The following MACROD2 variants were observed in gnomAD, a reference collection of about 807,000 sequenced individuals.
MACROD2 encodes the protein ADP-ribose glycohydrolase MACROD2.
A neutral mutation model predicts 70.4 loss-of-function variants in MACROD2; 36 were observed. The ratio of observed to expected loss-of-function variants is 0.51; its 90% confidence interval spans 0.39 to 0.68. MACROD2 has a LOEUF of 0.68. Ranked by LOEUF, MACROD2 falls within the 30% of genes least tolerant of loss-of-function variation. The probability of loss-of-function intolerance (pLI) is 0.00; values close to 1 mark genes in which losing one functional copy is unlikely to be tolerated. For synonymous variants in MACROD2, 172 were observed against 178.8 expected, an observed-to-expected ratio of 0.96 and a Z score of 0.30; for missense variants, 496 against 538.4, an observed-to-expected ratio of 0.92 and a Z score of 0.78.
chr20:14,051,904 C>G (rs747376636), intron 2 of MACROD2: 14 of 517,112 alleles, frequency 2.7e-5, no homozygotes, highest in Non-Finnish European at 4.6e-5. Context: ...AACTTCTGAA[C>G]CCTCCACCAT....
intron 3 of MACROD2, among the ~76,000 whole-genome samples, chr20:14,088,948 T>C (rs1215679042): frequency 6.6e-6 from 1 of 152,186 alleles, no homozygotes; most frequent in Non-Finnish European, 1.5e-5. Flanking sequence ...ATTATTGAAA[T>C]AAATGGTGCA....
chr20:14,929,094 CAT>C (rs1439395648), intron 5 of MACROD2, among the ~76,000 whole-genome samples: 2 of 152,136 alleles, frequency 1.3e-5, no homozygotes, highest in Non-Finnish European at 2.9e-5. Flanking sequence ...TCTCTACTCT[CAT>C]AACGCTTCTG....
At chr20:15,627,228 CAAA>C (rs33936061) in intron 8 of MACROD2, among the ~76,000 whole-genome samples, 15 of 93,960 alleles carry the variant, frequency 1.6e-4, no homozygotes, top group Admixed American at 2.3e-4. Flanking sequence ...AAAAGATTAC[CAAA>C]AAAAAAAAAA....
intron 3 of MACROD2, among the ~76,000 whole-genome samples, chr20:14,332,630 C>A (rs750411037): frequency 6.6e-6 from 1 of 152,190 alleles, no homozygotes; most frequent in East Asian, 1.9e-4. Flanking sequence ...AATGATTTCT[C>A]TCACAGAATG....
intron 3 of MACROD2, among the ~76,000 whole-genome samples, chr20:14,215,263 C>CAT (rs948330778): frequency 6.7e-6 from 1 of 148,418 alleles, no homozygotes; most frequent in Non-Finnish European, 1.5e-5. Context: ...TATATTCCAT[C>CAT]ATATATATAT....
intron 5 of MACROD2, among the ~76,000 whole-genome samples, chr20:14,805,781 G>T (rs186467776): frequency 6.6e-6 from 1 of 151,972 alleles, no homozygotes; most frequent in East Asian, 1.9e-4. Flanking sequence ...TCCTCTCCTG[G>T]CTTTTAAGAG....
chr20:15,993,522 A>G (rs6110859), intron 15 of MACROD2, among the ~76,000 whole-genome samples: 45,540 of 151,976 alleles, frequency 0.3, 7,382 homozygotes, highest in South Asian at 0.38. Context: ...AGGCTATACC[A>G]TCGAGGTTTG....
chr20:14,387,245 A>G (rs2083477767), intron 3 of MACROD2, among the ~76,000 whole-genome samples: 1 of 152,312 alleles, frequency 6.6e-6, no homozygotes, highest in South Asian at 2.1e-4. Flanking sequence ...TTTTTTGTTG[A>G]GAACTGGACA....
At chr20:14,190,958 C>T (rs1209419983) in intron 3 of MACROD2, among the ~76,000 whole-genome samples, 5 of 151,674 alleles carry the variant, frequency 3.3e-5, no homozygotes, top group South Asian at 4.2e-4. Context: ...CCGCCCGCCT[C>T]GGCCTCCCAA....
chr20:15,189,374 G>T (rs913670747), intron 5 of MACROD2, among the ~76,000 whole-genome samples: 2 of 151,848 alleles, frequency 1.3e-5, no homozygotes, highest in East Asian at 1.9e-4. Context: ...GTATGTACAC[G>T]CACATACACA....
intron 7 of MACROD2, among the ~76,000 whole-genome samples, chr20:15,460,331 G>A (rs1361264351): frequency 1.3e-5 from 2 of 152,156 alleles, no homozygotes; most frequent in Non-Finnish European, 2.9e-5. Flanking sequence ...GGCAGTGGCA[G>A]TTGGTTCCAG....
At chr20:14,149,653 G>GT (rs2054990919) in intron 3 of MACROD2, among the ~76,000 whole-genome samples, 1 of 152,092 alleles carries the variant, frequency 6.6e-6, no homozygotes, top group Non-Finnish European at 1.5e-5. Context: ...AATGTGTGTT[G>GT]TTTTTGTCTT....
chr20:15,240,602 C>T (rs897018247), intron 6 of MACROD2, among the ~76,000 whole-genome samples: 1 of 152,108 alleles, frequency 6.6e-6, no homozygotes, highest in Admixed American at 6.5e-5. Flanking sequence ...AATGGGATAA[C>T]ATATATCAGT....
chr20:15,832,999 C>T (rs6043561), intron 8 of MACROD2, among the ~76,000 whole-genome samples: 106,700 of 152,120 alleles, frequency 0.7, 37,745 homozygotes, highest in African/African-American at 0.78. Context: ...GTGGAATATA[C>T]GACAAAATGT....
At chr20:15,037,060 C>T (rs945534519) in intron 5 of MACROD2, among the ~76,000 whole-genome samples, 2 of 151,916 alleles carry the variant, frequency 1.3e-5, no homozygotes, top group Non-Finnish European at 2.9e-5. Context: ...AGATTAAAGT[C>T]TCCTGCTTAG....
chr20:15,259,946 G>T (rs1270975729), intron 6 of MACROD2, among the ~76,000 whole-genome samples: 1 of 151,730 alleles, frequency 6.6e-6, no homozygotes, highest in Non-Finnish European at 1.5e-5. Context: ...AAATGGAACA[G>T]AATGGAGCAA....
At chr20:14,670,203 G>A (rs928476744) in intron 4 of MACROD2, among the ~76,000 whole-genome samples, 10 of 152,012 alleles carry the variant, frequency 6.6e-5, no homozygotes, top group African/African-American at 2.2e-4. Flanking sequence ...TGTCATCTAC[G>A]ATGATGAATT....
intron 5 of MACROD2, among the ~76,000 whole-genome samples, chr20:14,744,307 C>A (rs1297483942): frequency 1.3e-5 from 2 of 151,810 alleles, no homozygotes; most frequent in Non-Finnish European, 2.9e-5. Flanking sequence ...CAGGTAAAAC[C>A]CAGTTTACTT....
At chr20:14,213,361 CAAAAAAA>C (rs60009822) in intron 3 of MACROD2, among the ~76,000 whole-genome samples, 33 of 30,258 alleles carry the variant, frequency 1.1e-3, no homozygotes, top group Admixed American at 2.2e-3. Context: ...CTTCTAGTGG[CAAAAAAA>C]AAAAAAAAAA....
Sources: gnomAD v4.1 joint callset for allele counts (sites outside exome capture counted in the v4.1 genomes callset) on GRCh38, gnomAD v4.1.1 for gene constraint, MANE v1.5 for transcripts, NCBI Gene and HGNC (gene_info 2026-07-23, HGNC 2026-07-21) for gene names.